Variants in ESR2 observed in about 807,000 individuals in gnomAD.
ESR2 encodes the protein estrogen receptor beta.
ESR2 carries 36 observed loss-of-function variants against 49.6 expected under a neutral mutation model. The ratio of observed to expected loss-of-function variants is 0.73; its 90% CI spans 0.56 to 0.96. The LOEUF is 0.96. Ranked by LOEUF, ESR2 falls within the 40% of genes least tolerant of loss-of-function variation. The pLI is 0.00. For missense variants in ESR2, 714 were observed against 693.0 expected (o/e 1.03, Z -0.34); for synonymous variants, 320 against 266.1 (o/e 1.20, Z -1.97).
intron 7 of ESR2, among the ~76,000 whole-genome samples, chr14:64,249,113 TTCTC>T (rs1465687244): frequency 6.6e-6 from 1 of 152,180 alleles, no homozygotes; most frequent in Non-Finnish European, 1.5e-5. Flanking sequence ...ATGATTTGTT[TTCTC>T]TCTCTCCCTG....
intron 1 of ESR2, among the ~76,000 whole-genome samples, chr14:64,310,791 C>G (rs2077180070): frequency 6.6e-6 from 1 of 152,106 alleles, no homozygotes; most frequent in African/African-American, 2.4e-5. Context: ...CAGTACTTTC[C>G]TTTGCTTTAG....
chr14:64,317,242 G>A (rs1418454226), intron 1 of ESR2, among the ~76,000 whole-genome samples: 2 of 152,224 alleles, frequency 1.3e-5, no homozygotes, highest in African/African-American at 4.8e-5. Context: ...TACAGCCTAG[G>A]CGACAGAGTG....
At chr14:64,260,360 T>C (rs930642575) in intron 5 of ESR2, 89 bp downstream of exon 5, 1 of 1,260,312 alleles carries the variant, frequency 7.9e-7, no homozygotes, top group Non-Finnish European at 1.1e-6. Context: ...GCACAGCTCA[T>C]GGACCTCTAC....
At chr14:64,319,661 T>G (rs150011728) in intron 1 of ESR2, among the ~76,000 whole-genome samples, 1 of 152,230 alleles carries the variant, frequency 6.6e-6, no homozygotes, top group Non-Finnish European at 1.5e-5. Context: ...AGATGGCAAA[T>G]AAGCATATGA....
chr14:64,272,027 T>TA (rs770502805), intron 3 of ESR2, among the ~76,000 whole-genome samples: 1 of 152,226 alleles, frequency 6.6e-6, no homozygotes, highest in South Asian at 2.1e-4. Context: ...ACCAACAGTA[T>TA]ACCAGGGTTC....
Position 64,283,057 on chromosome 14 carries a change from T to C in ESR2, c.-72A>G. The C allele has an allele frequency of 6.7e-7, 1 of 1,489,554 alleles. No individual in the cohort carries two copies. Among genetic ancestry groups the C allele is most frequent in the Non-Finnish European group, 9.0e-7 (1 of 1,106,748 alleles). 92.3% of individuals were successfully genotyped at this position (1,489,554 alleles called of 1,614,324 possible). A position where few individuals can be genotyped will look rare whatever the true frequency, so the allele number is the denominator to read the frequency against. Reference sequence around the variant, plus strand: ...AGGTCATTATAATGTTCTCAAAGATTCGTGGGCAAGTATAATGGCTGTAAA... The same window carrying C: ...AGGTCATTATAATGTTCTCAAAGATCCGTGGGCAAGTATAATGGCTGTAAA... On this transcript the variant is annotated 5_prime_UTR_variant, in exon 2 of 9. Transcript: ENST00000341099.
intron 1 of ESR2, among the ~76,000 whole-genome samples, chr14:64,300,344 G>C (rs1007849543): frequency 6.6e-6 from 1 of 152,076 alleles, no homozygotes; most frequent in African/African-American, 2.4e-5. Context: ...CTATCTCACA[G>C]GCCTTTCAAC....
At chr14:64,227,732 G>T, downstream of ESR2, 1 of 1,565,364 alleles carries the variant, frequency 6.4e-7, no homozygotes, top group East Asian at 2.2e-5. Context: ...GGGCCTTTAA[G>T]CTGGTTTGCT....
At chr14:64,298,992 G>GAAA (rs77353728), upstream of ESR2, among the ~76,000 whole-genome samples, 13 of 108,230 alleles carry the variant, frequency 1.2e-4, no homozygotes, top group Admixed American at 6.7e-4. Context: ...ACCCAGTTAA[G>GAAA]AAAAAAAAAA....
chr14:64,284,596 A>C (rs1366610528), intron 1 of ESR2, among the ~76,000 whole-genome samples: 2 of 152,194 alleles, frequency 1.3e-5, no homozygotes, highest in Non-Finnish European at 2.9e-5. Context: ...TGCTGGGATT[A>C]CAGGCATGAG....
In ESR2 at chr14:64,280,057, G is replaced by A. The variant is rs763840228; in HGVS notation, c.459C>T (p.Ser153=). The part of the protein sequence containing the change: ...KRDAHFCAVC[S]DYASGYHYGV... The stretch of plus-strand genomic sequence containing the variant: ...CATAGTGATATCCCGATGCGTAATC[G>A]CTGCAGACAGCGCAGAAGTGAGCAT... Residue 153 remains serine, a synonymous_variant, in exon 3 of 9, where the codon AGC becomes AGT. Coordinates refer to ENST00000341099, the MANE Select transcript of ESR2 (RefSeq NM_001437.3). 6 of 1,614,004 alleles carry A rather than the reference G, an allele frequency of 3.7e-6. No individual in the cohort carries two copies. The highest frequency in any genetic ancestry group is 5.1e-6 in the Non-Finnish European group (6 of 1,179,896).
At chr14:64,281,825 ATGT>A (rs1240001762) in intron 2 of ESR2, among the ~76,000 whole-genome samples, 1 of 152,182 alleles carries the variant, frequency 6.6e-6, no homozygotes, top group African/African-American at 2.4e-5. Flanking sequence ...TCTTTATATA[ATGT>A]TATTATTTTA....
chr14:64,274,650 G>T (rs2076521162), intron 3 of ESR2, among the ~76,000 whole-genome samples: 1 of 151,668 alleles, frequency 6.6e-6, no homozygotes, highest in African/African-American at 2.4e-5. Flanking sequence ...TATTAATTTT[G>T]GGTTTGGCTT....
intron 7 of ESR2, among the ~76,000 whole-genome samples, chr14:64,243,047 T>A (rs2075772498): frequency 6.6e-6 from 1 of 152,216 alleles, no homozygotes; most frequent in African/African-American, 2.4e-5. Context: ...CTCCCATGAT[T>A]CAATCATCTC....
At chr14:64,327,144 C>A (rs905349232) in intron 1 of ESR2, among the ~76,000 whole-genome samples, 1 of 151,986 alleles carries the variant, frequency 6.6e-6, no homozygotes, top group Non-Finnish European at 1.5e-5. Flanking sequence ...TTTGTTCCAC[C>A]TTTTCTCTTT....
chr14:64,228,172 G>A (rs2098723857), downstream of ESR2: 1 of 730,870 alleles, frequency 1.4e-6, no homozygotes, highest in Non-Finnish European at 2.0e-6. Flanking sequence ...TTTGTGTTCA[G>A]GTGCCCTTTC....
Position 64,260,687 on chromosome 14 carries a change from C to A in ESR2, c.714G>T (p.Gln238His). The change falls in exon 5 of 9, where the codon CAG (glutamine) becomes CAT (histidine). Residue 238 changes from glutamine (Q) to histidine (H), a missense_variant. Gln to His is a conservative substitution (Grantham distance 24). Transcript: ENST00000341099. The part of the protein sequence containing the change: ...LVRRQRSADE[Q>H]LHCAGKAKRS... ...TCTTGGCCTTGCCGGCACAGTGCAG[C>A]TGCTCGTCGGCACTTCTCTGTCTCC... The A allele has an allele frequency of 4.5e-6, 7 of 1,558,032 alleles. No homozygotes were observed. The highest frequency in any genetic ancestry group is 3.8e-5 in the Admixed American group (2 of 52,812).
chr14:64,241,123 G>A (rs1235968047), intron 7 of ESR2, among the ~76,000 whole-genome samples: 7 of 134,062 alleles, frequency 5.2e-5, no homozygotes, highest in African/African-American at 2.0e-4. Flanking sequence ...TCCCGCCTGG[G>A]CCACAGAGCG....
chr14:64,228,567 A>G lies in ESR2; in HGVS notation c.*4570T>C, dbSNP rs1194174054. On this transcript the variant is annotated 3_prime_UTR_variant, in exon 9 of 9. Transcript: ENST00000341099. ...TCTGAGAAAATGGCAAATTATAGCC[A>G]ACCAACAGGCTCTGAAGTACACATT... Among the ~76,000 whole-genome samples the G allele has an allele frequency of 6.6e-6, 1 of 152,256 alleles. No homozygotes were observed. The highest frequency in any genetic ancestry group is 1.5e-5 in the Non-Finnish European group (1 of 68,044).
Sources: gnomAD v4.1 joint callset for allele counts (sites outside exome capture counted in the v4.1 genomes callset) on GRCh38, gnomAD v4.1.1 for gene constraint, MANE v1.5 for transcripts, NCBI Gene and HGNC (gene_info 2026-07-23, HGNC 2026-07-21) for gene names.